The following HTR2C variants were observed in gnomAD, a reference collection of about 807,000 sequenced individuals.
The protein encoded by HTR2C is 5-hydroxytryptamine (serotonin) receptor 2C, G protein-coupled.
A neutral mutation model predicts 21.0 loss-of-function variants in HTR2C; 5 were observed. The observed-to-expected ratio is 0.24, with a 90% CI of 0.12 to 0.50. The LOEUF (loss-of-function observed/expected upper bound fraction) is 0.50. HTR2C is among the 20% of genes least tolerant of loss of function. The pLI is 0.98. For missense variants in HTR2C, 271 were observed against 371.2 expected, an observed-to-expected ratio of 0.73 and a Z score of 2.22; for synonymous variants, 150 against 145.3, an observed-to-expected ratio of 1.03 and a Z score of -0.23.
At chrX:114,586,298 C>T (rs989260822) in intron 1 of HTR2C, among the ~76,000 whole-genome samples, 2 of 111,872 alleles carry the variant, frequency 1.8e-5, no homozygotes, top group Admixed American at 9.5e-5. Flanking sequence ...AATGCCCCCC[C>T]ATTCCACCCC....
chrX:114,694,850 A>G (rs1316083916), intron 2 of HTR2C, among the ~76,000 whole-genome samples: 1 of 111,635 alleles, frequency 9.0e-6, no homozygotes, highest in East Asian at 2.8e-4. Context: ...TTTCTAACCA[A>G]TAATCTAAAA....
chrX:114,715,799 T>C (rs1932984058), intron 2 of HTR2C, among the ~76,000 whole-genome samples: 1 of 112,186 alleles, frequency 8.9e-6, no homozygotes, highest in African/African-American at 3.2e-5. Context: ...ATTTTATTCA[T>C]AGCAATTATC....
At chrX:114,610,570 A>G (rs947671038) in intron 1 of HTR2C, among the ~76,000 whole-genome samples, 2 of 111,986 alleles carry the variant, frequency 1.8e-5, no homozygotes, top group African/African-American at 3.2e-5. Flanking sequence ...TGCGAAATTT[A>G]AAAATATTCT....
At chrX:114,825,636 TG>T (rs781995730) in intron 4 of HTR2C, among the ~76,000 whole-genome samples, 1 of 111,590 alleles carries the variant, frequency 9.0e-6, no homozygotes, top group East Asian at 2.8e-4. Context: ...TCAAGTTTGT[TG>T]GTAATGCTGT....
chrX:114,737,229 C>A (rs868940807), intron 4 of HTR2C, among the ~76,000 whole-genome samples: 1 of 97,290 alleles, frequency 1.0e-5, no homozygotes, highest in Non-Finnish European at 2.0e-5. Context: ...CTTTTCTTTT[C>A]TTTTTTTTTT....
At chrX:114,731,810 A>G (rs1479866540) in intron 4 of HTR2C, among the ~76,000 whole-genome samples, 1 of 111,688 alleles carries the variant, frequency 9.0e-6, no homozygotes, top group African/African-American at 3.2e-5. Flanking sequence ...TACATTTTAT[A>G]TATATTAAAA....
chrX:114,586,495 A>G (rs1556389721), intron 1 of HTR2C, among the ~76,000 whole-genome samples: 1 of 111,986 alleles, frequency 8.9e-6, no homozygotes, highest in East Asian at 2.8e-4. Flanking sequence ...GCCCAACGCA[A>G]GTCCTGAAAT....
At chrX:114,839,008 A>G (rs1433254879) in intron 4 of HTR2C, among the ~76,000 whole-genome samples, 1 of 112,341 alleles carries the variant, frequency 8.9e-6, no homozygotes, top group African/African-American at 3.2e-5. Flanking sequence ...CACATGATCA[A>G]CTTCCATGGT....
At chrX:114,706,387 G>A (rs1556418075) in intron 2 of HTR2C, among the ~76,000 whole-genome samples, 1 of 93,460 alleles carries the variant, frequency 1.1e-5, no homozygotes, top group Non-Finnish European at 2.1e-5. Context: ...CATAAAAAAT[G>A]ATGAGTTCAT....
chrX:114,590,762 C>CT (rs1927593076), intron 1 of HTR2C, among the ~76,000 whole-genome samples: 1 of 111,487 alleles, frequency 9.0e-6, no homozygotes, highest in Non-Finnish European at 1.9e-5. Context: ...AAGCTTAGCC[C>CT]TACCACACTG....
At chrX:114,774,961 C>A in intron 4 of HTR2C, 1 of 517,687 alleles carries the variant, frequency 1.9e-6, no homozygotes, top group Non-Finnish European at 3.5e-6. Context: ...GATGAGATTG[C>A]AGACTTTCTC....
chrX:114,807,377 T>TATATATACGCCATATCTATACC (rs1556450765), intron 4 of HTR2C, among the ~76,000 whole-genome samples: 2 of 31,289 alleles, frequency 6.4e-5, no homozygotes, highest in Non-Finnish European at 7.9e-5. Context: ...ATCTATACCA[T>TATATATACGCCATATCTATACC]ATATATACGC....
intron 4 of HTR2C, among the ~76,000 whole-genome samples, chrX:114,741,888 T>TC (rs1932357812): frequency 1.8e-5 from 2 of 110,275 alleles, no homozygotes; most frequent in African/African-American, 6.6e-5. Context: ...CCCTTTTTTT[T>TC]TCCTCTCTTT....
chrX:114,831,821 T>G (rs1365841451), intron 4 of HTR2C, among the ~76,000 whole-genome samples: 1 of 101,789 alleles, frequency 9.8e-6, no homozygotes, highest in African/African-American at 3.6e-5. Context: ...CTAGGGTTTT[T>G]ATGGTTTTAG....
intron 4 of HTR2C, among the ~76,000 whole-genome samples, chrX:114,815,611 C>T (rs1049130491): frequency 9.0e-6 from 1 of 111,456 alleles, no homozygotes; most frequent in Non-Finnish European, 1.9e-5. Flanking sequence ...TGACCTCCAA[C>T]CATCGTGCCT....
intron 4 of HTR2C, among the ~76,000 whole-genome samples, chrX:114,796,073 C>T (rs898408700): frequency 2.7e-5 from 3 of 111,300 alleles, no homozygotes; most frequent in African/African-American, 9.8e-5. Flanking sequence ...AACTTGGATA[C>T]CTTCCTGCCA....
chrX:114,866,129 T>C (rs2147505662), intron 5 of HTR2C, among the ~76,000 whole-genome samples: 1 of 111,832 alleles, frequency 8.9e-6, no homozygotes, highest in East Asian at 2.8e-4. Context: ...AGTGCGTTTT[T>C]TAAAATATTT....
intron 2 of HTR2C, among the ~76,000 whole-genome samples, chrX:114,656,425 T>C (rs5988072): frequency 0.48 from 52,986 of 109,987 alleles, 11,199 homozygotes; most frequent in Non-Finnish European, 0.64. Context: ...TACAAATGAA[T>C]GAATATATCA....
intron 2 of HTR2C, among the ~76,000 whole-genome samples, chrX:114,641,837 C>T (rs782595419): frequency 9.0e-6 from 1 of 111,098 alleles, no homozygotes; most frequent in East Asian, 2.8e-4. Context: ...CACCCCATCA[C>T]CTAGGTATTA....
Sources: gnomAD v4.1 joint callset for allele counts (sites outside exome capture counted in the v4.1 genomes callset) on GRCh38, gnomAD v4.1.1 for gene constraint, MANE v1.5 for transcripts, NCBI Gene and HGNC (gene_info 2026-07-23, HGNC 2026-07-21) for gene names.